The following CACNB3 variants were observed in gnomAD, a reference collection of about 807,000 sequenced individuals.
CACNB3 encodes calcium voltage-gated channel auxiliary subunit beta 3.
In CACNB3, 36 loss-of-function variants were observed where a neutral mutation model predicts 63.7. The ratio of observed to expected loss-of-function variants is 0.57; its 90% CI spans 0.43 to 0.75. The LOEUF (loss-of-function observed/expected upper bound fraction) is 0.75, where lower values mean the gene tolerates loss of function less well. Among genes scored for constraint, CACNB3 ranks in the 30% least tolerant of loss-of-function variants. CACNB3 has a pLI of 0.00. For synonymous variants in CACNB3, 241 were observed against 250.6 expected (o/e 0.96, Z 0.36); for missense variants, 493 against 648.6 (o/e 0.76, Z 2.61).
intron 1 of CACNB3, chr12:48,819,701 G>T: frequency 2.2e-6 from 1 of 455,850 alleles, no homozygotes; most frequent in African/African-American, 2.0e-5. Context: ...GGGCCTGGAG[G>T]TGAGGCCAGA....
rs748451939 is a variant in CACNB3 at position 48,825,633 on chromosome 12, A to G, written c.633-27A>G. On this transcript the variant is annotated intron_variant, in intron 8 of 12. Coordinates refer to ENST00000301050, the MANE Select transcript of CACNB3 (RefSeq NM_000725.4). This position sits in a 1 kb window ranked among gnomAD's most constrained non-coding sequence, Gnocchi z 4.5. ...AGGCTGAGGCACAGGTTTAGAAGCA[A>G]GCTGTGATTCTCCACTCCCACCCCA... is the stretch of plus-strand genomic sequence containing the variant. The G allele has an allele frequency of 6.3e-7, 1 of 1,594,912 alleles. No individual in the cohort carries two copies. The highest frequency in any genetic ancestry group is 1.1e-5 in the South Asian group (1 of 90,688).
In CACNB3 at chr12:48,825,497, G is replaced by A; in HGVS notation, c.632+5G>A. 6.2e-7 allele frequency: 1 copy of A among 1,614,072 alleles called. No homozygotes were observed. The highest frequency in any genetic ancestry group is 8.5e-7 in the Non-Finnish European group (1 of 1,179,930). ...CAAACACAGATTTGATGGCAGGTAA[G>A]CTGCCCTGGCCTGAGGTGGCCTGAG... On this transcript the variant is annotated splice_donor_5th_base_variant and intron_variant, in intron 8 of 12. Coordinates refer to ENST00000301050, the MANE Select transcript of CACNB3 (RefSeq NM_000725.4). The surrounding 1 kb of genome is among the most constrained non-coding windows in gnomAD (Gnocchi z 4.5).
Position 48,825,145 on chromosome 12 carries a change from C to T in CACNB3, c.493-18C>T, listed in dbSNP as rs752081119. Reference sequence around the variant, plus strand: ...CACCAGGGCCATGGTTTCTACTGACCTCATGTCCATTCTGCAGGCGGAACA... The same window carrying T: ...CACCAGGGCCATGGTTTCTACTGACTTCATGTCCATTCTGCAGGCGGAACA... On this transcript the variant is annotated intron_variant, in intron 6 of 12. Transcript: ENST00000301050. The surrounding 1 kb of genome is among the most constrained non-coding windows in gnomAD (Gnocchi z 4.5). The T allele has an allele frequency of 1.9e-6, 3 of 1,612,946 alleles. No homozygotes were observed. Among genetic ancestry groups the T allele is most frequent in the Middle Eastern group, 3.3e-4 (2 of 6,060 alleles).
chr12:48,827,606 C>A lies in CACNB3; in HGVS notation c.1162C>A (p.Arg388Ser). The A allele has an allele frequency of 1.2e-6, 2 of 1,612,716 alleles. No individual in the cohort carries two copies. The highest frequency in any genetic ancestry group is 2.2e-5 in the South Asian group (2 of 91,052). ...GLQNQQLLGE[R>S]GEEHSPLERD... is the part of the protein sequence containing the mutation. ...CCAGAACCAGCAGCTGCTGGGGGAG[C>A]GTGGCGAGGAGCACTCCCCCCTTGA... The change falls in exon 13 of 13, where the codon CGT becomes AGT. Residue 388 changes from arginine to serine, a missense_variant. Arg to Ser is a moderately radical substitution (Grantham distance 110). Transcript: ENST00000301050.
chr12:48,814,609 G>C, upstream of CACNB3: 3 of 1,475,948 alleles, frequency 2.0e-6, no homozygotes, highest in Non-Finnish European at 2.7e-6. This position sits in a 1 kb window ranked among gnomAD's most constrained non-coding sequence, Gnocchi z 6.9. Flanking sequence ...AGCCCCACGG[G>C]GTGGGAATAA....
chr12:48,814,866 C>T, upstream of CACNB3: 1 of 326,450 alleles, frequency 3.1e-6, no homozygotes, highest in African/African-American at 2.1e-5. The surrounding 1 kb of genome is among the most constrained non-coding windows in gnomAD (Gnocchi z 6.9). Flanking sequence ...GCCCAAGGGG[C>T]GCTGCAGCGG....
Position 48,827,705 on chromosome 12 carries a change from A to G in CACNB3, c.1261A>G (p.Ser421Gly). Reference sequence around the variant, plus strand: ...AGCCTGGACAGGATCTTCACAGCGTAGCTCCCGCCACCTGGAGGAGGACTA... The same window carrying G: ...AGCCTGGACAGGATCTTCACAGCGTGGCTCCCGCCACCTGGAGGAGGACTA... The part of the protein sequence containing the change: ...RQAWTGSSQR[S>G]SRHLEEDYAD... Residue 421 changes from serine to glycine, a missense_variant, in exon 13 of 13, where the codon AGC (serine) becomes GGC (glycine). Ser to Gly is a moderately conservative substitution (Grantham distance 56). Coordinates refer to ENST00000301050, the MANE Select transcript of CACNB3 (RefSeq NM_000725.4). 1 of 1,614,072 alleles carries G rather than the reference A, an allele frequency of 6.2e-7. No individual in the cohort carries two copies. The highest frequency in any genetic ancestry group is 1.1e-5 in the South Asian group (1 of 91,084).
At position 48,828,604 on chromosome 12, in the gene CACNB3, T is replaced by G; in HGVS notation, c.*705T>G. The G allele has an allele frequency of 2.2e-6, 1 of 451,402 alleles. No individual in the cohort carries two copies. Among genetic ancestry groups the G allele is most frequent in the South Asian group, 1.6e-5 (1 of 64,020 alleles). The allele number at this position is 451,402 out of a possible 1,614,324, so 28.0% of individuals were successfully genotyped here. A position where few individuals can be genotyped will look rare whatever the true frequency, so the allele number is the denominator to read the frequency against. ...GGACCAGGAGCATGGTGAAGCCAAGTGGCAGATGGGAGCCAACCTGGATGG... is the reference window on the plus strand; with the variant it reads ...GGACCAGGAGCATGGTGAAGCCAAGGGGCAGATGGGAGCCAACCTGGATGG... On this transcript the variant is annotated 3_prime_UTR_variant, in exon 13 of 13. Coordinates refer to ENST00000301050, the MANE Select transcript of CACNB3 (RefSeq NM_000725.4).
rs1170715825 is a variant in CACNB3 at position 48,826,291 on chromosome 12, C to T, written c.743-76C>T. ...CTCCAATTCCTTCCTGTCCACCATT[C>T]GGGAGCCCTCAAAGCCTGCTGGAGT... On this transcript the variant is annotated intron_variant, in intron 9 of 12. Coordinates refer to ENST00000301050, the MANE Select transcript of CACNB3 (RefSeq NM_000725.4). This position sits in a 1 kb window ranked among gnomAD's most constrained non-coding sequence, Gnocchi z 4.8. The T allele has an allele frequency of 6.8e-6, 10 of 1,471,154 alleles. No individual in the cohort carries two copies. Among genetic ancestry groups the T allele is most frequent in the Middle Eastern group, 3.8e-4 (2 of 5,290 alleles). The allele number at this position is 1,471,154 out of a possible 1,614,324, so 91.1% of individuals were successfully genotyped here.
Position 48,823,433 on chromosome 12 carries a change from G to A in CACNB3, c.135G>A (p.Glu45=), listed in dbSNP as rs761197059. 19 of 1,614,136 alleles carry A rather than the reference G, an allele frequency of 1.2e-5. No homozygotes were observed. The South Asian group carries it at 1.8e-4, about 15-fold the overall frequency. The change falls in exon 2 of 13, where the codon GAG becomes GAA. Residue 45 remains glutamate (E), a synonymous_variant. Coordinates refer to ENST00000301050, the MANE Select transcript of CACNB3 (RefSeq NM_000725.4). This position sits in a 1 kb window ranked among gnomAD's most constrained non-coding sequence, Gnocchi z 4.2. ...GGGAGAGTGCCCGGCGTGAAGTAGA[G>A]AGCCAGGCTCAGCAGCAGCTCGAAA... is the stretch of plus-strand genomic sequence containing the variant. The part of the protein sequence containing the change: ...EDRESARREV[E]SQAQQQLERA...
Position 48,827,674 on chromosome 12 carries a change from C to T in CACNB3, c.1230C>T (p.Ser410=). 6.2e-7 allele frequency: 1 copy of T among 1,613,912 alleles called. No homozygotes were observed. Among genetic ancestry groups the T allele is most frequent in the Non-Finnish European group, 8.5e-7 (1 of 1,180,016 alleles). The change falls in exon 13 of 13, where the codon TCC becomes TCT. Residue 410 remains serine, a synonymous_variant. Coordinates refer to ENST00000301050, the MANE Select transcript of CACNB3 (RefSeq NM_000725.4). ...CCTCTGATGAGGCCAGCGAGAGCTC[C>T]CGCCAAGCCTGGACAGGATCTTCAC... The part of the protein sequence containing the change: ...LMPSDEASES[S]RQAWTGSSQR...
At position 48,826,777 on chromosome 12, in the gene CACNB3, C is replaced by T. The variant is rs1267059151; in HGVS notation, c.913C>T (p.Arg305Cys). The T allele has an allele frequency of 2.5e-6, 4 of 1,613,904 alleles. No homozygotes were observed. Among genetic ancestry groups the T allele is most frequent in the Non-Finnish European group, 3.4e-6 (4 of 1,179,934 alleles). ...CGCTCAGGTACTCCAGCGTCTCATT[C>T]GCTCCCGGGGGAAGTCACAGATGAA... is the stretch of plus-strand genomic sequence containing the variant. ...SSPKVLQRLI[R>C]SRGKSQMKHL... The change falls in exon 11 of 13, where the codon CGC becomes TGC. Residue 305 changes from arginine to cysteine, a missense_variant. Physicochemically the swap from Arg to Cys is radical, Grantham distance 180 (BLOSUM62 -3). Transcript: ENST00000301050. The surrounding 1 kb of genome is among the most constrained non-coding windows in gnomAD (Gnocchi z 4.8).
chr12:48,828,099 C>T lies in CACNB3; in HGVS notation c.*200C>T, dbSNP rs577752146. 1,129 of 601,234 alleles carry T rather than the reference C, an allele frequency of 1.9e-3. 6 individuals are homozygous for T. Among genetic ancestry groups the T allele is most frequent in the Middle Eastern group, 4.9e-3 (11 of 2,242 alleles). The allele number at this position is 601,234 out of a possible 1,614,324, so 37.2% of individuals were successfully genotyped here. On this transcript the variant is annotated 3_prime_UTR_variant, in exon 13 of 13. Transcript: ENST00000301050. ...GACCCCCTCACCTCCTGGGCAGTGACCCCTACTAGGCTCCCATTCCAGGTA... is the reference window on the plus strand; with the variant it reads ...GACCCCCTCACCTCCTGGGCAGTGATCCCTACTAGGCTCCCATTCCAGGTA...
upstream of CACNB3, chr12:48,814,661 G>A: frequency 2.6e-6 from 3 of 1,163,234 alleles, no homozygotes; most frequent in Non-Finnish European, 3.5e-6. The surrounding 1 kb of genome is among the most constrained non-coding windows in gnomAD (Gnocchi z 6.9). Context: ...GTCTCGAGCT[G>A]GGACTGCAGT....
At chr12:48,827,229 T>C in intron 12 of CACNB3, 106 bp downstream of exon 12, 1 of 1,361,982 alleles carries the variant, frequency 7.3e-7, no homozygotes, top group African/African-American at 1.4e-5. Flanking sequence ...TGCCAAAGGA[T>C]TGTAGAACTC....
upstream of CACNB3, chr12:48,814,610 G>A (rs919595810): frequency 1.4e-6 from 2 of 1,466,024 alleles, no homozygotes; most frequent in South Asian, 1.3e-5. This position sits in a 1 kb window ranked among gnomAD's most constrained non-coding sequence, Gnocchi z 6.9. Context: ...GCCCCACGGG[G>A]TGGGAATAAG....
chr12:48,823,881 G>C lies in CACNB3; in HGVS notation c.291+78G>C, dbSNP rs2137456598. On this transcript the variant is annotated intron_variant, in intron 3 of 12. Coordinates refer to ENST00000301050, the MANE Select transcript of CACNB3 (RefSeq NM_000725.4). This position sits in a 1 kb window ranked among gnomAD's most constrained non-coding sequence, Gnocchi z 4.2. ...CTCCAGATCCTAATGCTTCTGACTT[G>C]AATCCTCAGTCTAATTCCCCAAGCT... 1 of 1,575,792 alleles carries C rather than the reference G, an allele frequency of 6.3e-7. No individual in the cohort carries two copies. The highest frequency in any genetic ancestry group is 8.7e-7 in the Non-Finnish European group (1 of 1,152,208).
Position 48,826,501 on chromosome 12 carries a change from A to G in CACNB3, c.877A>G (p.Lys293Glu). ...TSLAPIIVFV[K>E]VSSPKVLQRL... Reference sequence around the variant, plus strand: ...GCTGGCCCCCATCATCGTCTTTGTCAAAGTGTCCTCACCAAAGGTAAGTCA... The same window carrying G: ...GCTGGCCCCCATCATCGTCTTTGTCGAAGTGTCCTCACCAAAGGTAAGTCA... The change falls in exon 10 of 13, where the codon AAA becomes GAA. Residue 293 changes from lysine (K) to glutamate (E), a missense_variant. Transcript: ENST00000301050. This position sits in a 1 kb window ranked among gnomAD's most constrained non-coding sequence, Gnocchi z 4.8. 1 of 1,614,100 alleles carries G rather than the reference A, an allele frequency of 6.2e-7. No individual in the cohort carries two copies. Among genetic ancestry groups the G allele is most frequent in the Non-Finnish European group, 8.5e-7 (1 of 1,179,976 alleles).
intron 1 of CACNB3, 43 bp downstream of exon 1, chr12:48,819,017 A>G (rs753528785): frequency 1.3e-6 from 2 of 1,582,022 alleles, no homozygotes; most frequent in Non-Finnish European, 8.6e-7. Context: ...AGTTGGGGTG[A>G]CACCTCCTCT....
Sources: gnomAD v4.1 joint callset for allele counts on GRCh38, gnomAD v4.1.1 for gene constraint, Gnocchi (gnomAD v3.1) non-coding constraint, MANE v1.5 for transcripts, NCBI Gene and HGNC (gene_info 2026-07-23, HGNC 2026-07-21) for gene names.